Variants in FMN1 observed in about 807,000 individuals in gnomAD.
FMN1 encodes formin 1, also known as formin-1.
Under a neutral mutation model 132.4 loss-of-function variants are expected in FMN1, and 110 were observed. The observed-to-expected ratio is 0.83, with a 90% CI of 0.71 to 0.97. The LOEUF (loss-of-function observed/expected upper bound fraction) is 0.97. Among genes scored for constraint, FMN1 ranks in the 50% least tolerant of loss-of-function variants. FMN1 has a pLI of 0.00. For synonymous variants in FMN1, 722 were observed against 651.7 expected (o/e 1.11, Z -1.64); for missense variants, 1,792 against 1,705.3 (o/e 1.05, Z -0.90).
intron 10 of FMN1, among the ~76,000 whole-genome samples, chr15:32,913,534 A>C (rs1420167942): frequency 2.0e-5 from 3 of 152,044 alleles, no homozygotes; most frequent in African/African-American, 7.2e-5. Flanking sequence ...CCCATTCCTG[A>C]ACATGCCATG....
chr15:32,920,908 C>A (rs1055314322), intron 10 of FMN1, among the ~76,000 whole-genome samples: 1 of 152,210 alleles, frequency 6.6e-6, no homozygotes, highest in African/African-American at 2.4e-5. Context: ...TCTGAACAAA[C>A]ACAATCCCTT....
chr15:32,870,512 C>T (rs772748500), intron 16 of FMN1, among the ~76,000 whole-genome samples: 2 of 152,134 alleles, frequency 1.3e-5, no homozygotes, highest in African/African-American at 2.4e-5. Context: ...CATGCTAGTG[C>T]GCTTTAGGAC....
intron 6 of FMN1, among the ~76,000 whole-genome samples, chr15:33,010,913 A>C (rs2034679954): frequency 6.6e-6 from 1 of 151,552 alleles, no homozygotes; most frequent in African/African-American, 2.4e-5. Context: ...AAAAAAAAAA[A>C]TAAACGCAGA....
chr15:32,865,558 C>T (rs867267897), intron 16 of FMN1, among the ~76,000 whole-genome samples: 4 of 152,126 alleles, frequency 2.6e-5, no homozygotes, highest in African/African-American at 7.2e-5. Context: ...AAGACCTGGC[C>T]GGGCAAGGTG....
chr15:33,125,083 CCT>C (rs775844917), intron 4 of FMN1, among the ~76,000 whole-genome samples: 2 of 152,174 alleles, frequency 1.3e-5, no homozygotes, highest in South Asian at 2.1e-4. Context: ...TCCACCAGCC[CCT>C]CTCTGTGAAA....
At chr15:32,897,230 T>C (rs1171681886) in intron 15 of FMN1, among the ~76,000 whole-genome samples, 2 of 152,210 alleles carry the variant, frequency 1.3e-5, no homozygotes, top group Non-Finnish European at 2.9e-5. Flanking sequence ...TTTGGAGAAA[T>C]GTCTATTCAA....
intron 4 of FMN1, among the ~76,000 whole-genome samples, chr15:33,124,827 A>C (rs1962897106): frequency 1.3e-5 from 2 of 150,114 alleles, no homozygotes; most frequent in Admixed American, 6.8e-5. Flanking sequence ...TAGATGAAAA[A>C]AATGCTTTTC....
rs1567330318 is a variant in FMN1, at chr15:32,888,156, G to GAT, written c.3835+15_3835+16insAT. 1 of 1,595,308 alleles carries GAT rather than the reference G, an allele frequency of 6.3e-7. No homozygotes were observed. The highest frequency in any genetic ancestry group is 1.1e-5 in the South Asian group (1 of 87,676). ...AATCTTAGCTATTATCATAATAGCA[G>GAT]AACAGTTCCTATTACCTTCTAGTTG... On this transcript the variant is annotated intron_variant, in intron 16 of 20. Coordinates refer to ENST00000616417, the MANE Select transcript of FMN1 (RefSeq NM_001277313.2).
chr15:33,160,555 G>A (rs1423322926), intron 3 of FMN1, among the ~76,000 whole-genome samples: 1 of 152,162 alleles, frequency 6.6e-6, no homozygotes, highest in Non-Finnish European at 1.5e-5. Flanking sequence ...TAAGTCCTAA[G>A]AGAAAAAAAG....
At chr15:32,971,796 T>C (rs541027907) in intron 7 of FMN1, among the ~76,000 whole-genome samples, 20 of 152,340 alleles carry the variant, frequency 1.3e-4, no homozygotes, top group African/African-American at 3.1e-4. Flanking sequence ...GTGAACTTAT[T>C]GAGTTTCTGC....
rs1214827963 is a variant in FMN1 at position 33,193,063 on chromosome 15, A to G, written c.-197+846T>C. ...CTACTCTTCTCCATTGTTTCCCTCC[A>G]TTGAGGCCATTGCTTCTTTGTTCCT... is the stretch of plus-strand genomic sequence containing the variant. On this transcript the variant is annotated intron_variant, in intron 2 of 20. Coordinates refer to ENST00000616417, the MANE Select transcript of FMN1 (RefSeq NM_001277313.2). Among the ~76,000 whole-genome samples, 4 of 152,162 alleles carry G rather than the reference A, an allele frequency of 2.6e-5. No homozygotes were observed. In the South Asian group the frequency reaches 6.2e-4, roughly 24 times the overall value.
chr15:33,041,950 T>A (rs2141123571), intron 6 of FMN1, among the ~76,000 whole-genome samples: 1 of 152,114 alleles, frequency 6.6e-6, no homozygotes, highest in South Asian at 2.1e-4. Context: ...AAATTTTAAA[T>A]CATTAAGATA....
At position 32,907,733 on chromosome 15, in the gene FMN1, T is replaced by G. The variant is rs369327374; in HGVS notation, c.3377+757A>C. Among the ~76,000 whole-genome samples, 2 of 149,642 alleles carry G rather than the reference T, an allele frequency of 1.3e-5. 1 individual carries two copies. The highest frequency in any genetic ancestry group is 4.9e-5 in the African/African-American group (2 of 40,962). ...TGAACTGGACAAAAAAAATTCAAGG[T>G]AGCAACAGGCAAAAGAGGCCCTCTG... On this transcript the variant is annotated intron_variant, in intron 12 of 20. Coordinates refer to ENST00000616417, the MANE Select transcript of FMN1 (RefSeq NM_001277313.2).
At chr15:33,026,461 T>C (rs2035681236) in intron 6 of FMN1, among the ~76,000 whole-genome samples, 1 of 144,960 alleles carries the variant, frequency 6.9e-6, no homozygotes, top group Non-Finnish European at 1.6e-5. Context: ...AGACTAGGTT[T>C]AGCCTTATAA....
intron 6 of FMN1, chr15:33,013,125 G>C (rs1456697414): frequency 2.5e-6 from 1 of 404,750 alleles, no homozygotes; most frequent in East Asian, 7.0e-5. Flanking sequence ...TGACAGGGAA[G>C]CTATAGGTTG....
Position 33,017,138 on chromosome 15 carries a change from T to A in FMN1, c.2162-9063A>T, listed in dbSNP as rs73374832. Among the ~76,000 whole-genome samples the A allele has an allele frequency of 6.5e-3, 956 of 147,126 alleles. 5 individuals carry two copies. The highest frequency in any genetic ancestry group is 0.021 in the African/African-American group (831 of 40,172). On this transcript the variant is annotated intron_variant, in intron 6 of 20. Transcript: ENST00000616417. ...GTACCCTAGAACTTAAAGCATAATTTAAAAAAAAAAAAGTGGTTGCCAAGG... is the reference window on the plus strand; with the variant it reads ...GTACCCTAGAACTTAAAGCATAATTAAAAAAAAAAAAAGTGGTTGCCAAGG...
rs565241706 is a variant in FMN1 at position 32,772,979 on chromosome 15, G to C, written c.*1331C>G. 1.7e-5 allele frequency: 2 copies of C among 114,296 alleles called. No individual in the cohort carries two copies. The highest frequency in any genetic ancestry group is 6.6e-5 in the African/African-American group (2 of 30,428). 7.1% of individuals were successfully genotyped at this position (114,296 alleles called of 1,614,324 possible). ...TCTCTGGACTGTCCTCCACCAATTG[G>C]GGGGAGAAAGCTCGGCCTCTTCAAG... On this transcript the variant is annotated 3_prime_UTR_variant, in exon 21 of 21. Coordinates refer to ENST00000616417, the MANE Select transcript of FMN1 (RefSeq NM_001277313.2).
intron 6 of FMN1, among the ~76,000 whole-genome samples, chr15:33,043,958 G>T (rs1015097157): frequency 6.6e-6 from 1 of 152,062 alleles, no homozygotes; most frequent in Non-Finnish European, 1.5e-5. Flanking sequence ...AGGGACCCAG[G>T]AAGTCCCCCT....
chr15:33,012,277 T>TC, intron 6 of FMN1: 1 of 736,322 alleles, frequency 1.4e-6, no homozygotes, highest in Non-Finnish European at 2.5e-6. Context: ...ACACCAGGTA[T>TC]TCCAGAGGCT....
Sources: allele counts gnomAD v4.1 joint callset (sites outside exome capture counted in the v4.1 genomes callset), GRCh38; gene constraint gnomAD v4.1.1; transcripts MANE v1.5; gene names NCBI Gene and HGNC (gene_info 2026-07-23, HGNC 2026-07-21).